Variants in HS3ST5 observed in about 807,000 individuals in gnomAD.
HS3ST5 encodes heparan sulfate glucosamine 3-O-sulfotransferase 5.
A neutral mutation model predicts 25.4 loss-of-function variants in HS3ST5; 10 were observed. The observed-to-expected ratio is 0.39, with a 90% CI of 0.24 to 0.67. The LOEUF is 0.67. Ranked by LOEUF, HS3ST5 falls within the 30% of genes least tolerant of loss-of-function variation. HS3ST5 has a pLI of 0.44. For missense variants in HS3ST5, 324 were observed against 420.7 expected (o/e 0.77, Z 2.01); for synonymous variants, 170 against 162.4 (o/e 1.05, Z -0.36).
At chr6:114,242,956 G>T (rs1359044695) in intron 1 of HS3ST5, among the ~76,000 whole-genome samples, 19 of 152,190 alleles carry the variant, frequency 1.2e-4, no homozygotes, top group South Asian at 4.1e-4. Flanking sequence ...TAGTGAGCAT[G>T]ATGTAACCAA....
intron 3 of HS3ST5, among the ~76,000 whole-genome samples, chr6:114,135,700 C>T (rs755987737): frequency 8.5e-5 from 13 of 152,182 alleles, no homozygotes; most frequent in East Asian, 1.9e-4. Flanking sequence ...TTCTTCTTCC[C>T]GTGACGTTTA....
intron 1 of HS3ST5, among the ~76,000 whole-genome samples, chr6:114,319,287 C>T (rs1349330329): frequency 6.6e-6 from 1 of 152,082 alleles, no homozygotes; most frequent in East Asian, 1.9e-4. Context: ...GATAACTCCC[C>T]TCTTTTGGAT....
chr6:114,163,889 A>C (rs7762148), intron 3 of HS3ST5, among the ~76,000 whole-genome samples: 34,682 of 152,050 alleles, frequency 0.23, 4,119 homozygotes, highest in Middle Eastern at 0.3. Context: ...TTGTGGTTCT[A>C]CCATTTATTA....
chr6:114,281,934 G>A (rs1216693454), intron 1 of HS3ST5: 2 of 152,062 alleles, frequency 1.3e-5, no homozygotes, highest in East Asian at 3.9e-4. Context: ...AAAAAGCAAG[G>A]TGCTGATGAG....
intron 1 of HS3ST5, among the ~76,000 whole-genome samples, chr6:114,319,187 A>G (rs916950960): frequency 2.6e-5 from 4 of 152,192 alleles, no homozygotes; most frequent in African/African-American, 7.2e-5. Flanking sequence ...CACAGAAAAT[A>G]TAAGAATTCA....
At chr6:114,101,623 T>C (rs755474551) in intron 3 of HS3ST5, among the ~76,000 whole-genome samples, 6 of 152,218 alleles carry the variant, frequency 3.9e-5, no homozygotes, top group Non-Finnish European at 8.8e-5. Context: ...AGTTCTGCCA[T>C]TGTGGAAAGT....
rs1179666349 is a variant in HS3ST5 at position 114,343,000 on chromosome 6, G to C, written c.-1144C>G. On this transcript the variant is annotated 5_prime_UTR_variant, in exon 1 of 5. Coordinates refer to ENST00000312719, the MANE Select transcript of HS3ST5 (RefSeq NM_153612.4). ...CACTTGGGCGCGCAGGAGGGACCGG[G>C]TCCCTGGCGACCAGCTGCAGAGTGG... 6.6e-6 allele frequency: 1 copy of C among 152,342 alleles called. No homozygotes were observed. The highest frequency in any genetic ancestry group is 1.5e-5 in the Non-Finnish European group (1 of 68,356). The allele number at this position is 152,342 out of a possible 1,614,324, so 9.4% of individuals were successfully genotyped here. A position where few individuals can be genotyped will look rare whatever the true frequency, so the allele number is the denominator to read the frequency against.
chr6:114,277,914 A>T (rs1025842016), intron 1 of HS3ST5, among the ~76,000 whole-genome samples: 2 of 152,032 alleles, frequency 1.3e-5, no homozygotes, highest in Non-Finnish European at 2.9e-5. Flanking sequence ...TTACTCTGTC[A>T]TTTTAAAATG....
chr6:114,334,419 C>T (rs921549034), intron 1 of HS3ST5, among the ~76,000 whole-genome samples: 1 of 152,170 alleles, frequency 6.6e-6, no homozygotes. Flanking sequence ...TGAGGACATT[C>T]CATTTGCATA....
At chr6:114,124,481 T>TA (rs1776941826) in intron 3 of HS3ST5, among the ~76,000 whole-genome samples, 3 of 152,194 alleles carry the variant, frequency 2.0e-5, no homozygotes, top group Admixed American at 2.0e-4. Context: ...ACTAAAATAA[T>TA]ACGTGAGGTT....
intron 3 of HS3ST5, among the ~76,000 whole-genome samples, chr6:114,156,274 G>C (rs1236537225): frequency 6.6e-6 from 1 of 152,070 alleles, no homozygotes; most frequent in Non-Finnish European, 1.5e-5. Context: ...TCCCATTCCT[G>C]GTTCTTCAGA....
At chr6:114,095,907 T>G (rs1775399035) in intron 3 of HS3ST5, among the ~76,000 whole-genome samples, 1 of 152,144 alleles carries the variant, frequency 6.6e-6, no homozygotes, top group African/African-American at 2.4e-5. Flanking sequence ...CTCCTACCTC[T>G]CACTCTGTAT....
chr6:114,273,833 A>AG (rs565124326), intron 1 of HS3ST5, among the ~76,000 whole-genome samples: 1 of 151,962 alleles, frequency 6.6e-6, no homozygotes, highest in South Asian at 2.1e-4. Flanking sequence ...GGTCCAAGAG[A>AG]GGGGAGAAGA....
chr6:114,242,198 TAA>T (rs1257138792), intron 1 of HS3ST5, among the ~76,000 whole-genome samples: 1 of 152,218 alleles, frequency 6.6e-6, no homozygotes, highest in African/African-American at 2.4e-5. Context: ...AAAAATAATG[TAA>T]AGTCTGATTA....
At chr6:114,207,799 C>T (rs555967437) in intron 2 of HS3ST5, among the ~76,000 whole-genome samples, 1 of 152,228 alleles carries the variant, frequency 6.6e-6, no homozygotes, top group South Asian at 2.1e-4. Context: ...ATACTATTAA[C>T]ATACCTTACT....
At chr6:114,164,864 A>G (rs62415773) in intron 3 of HS3ST5, among the ~76,000 whole-genome samples, 12,255 of 152,234 alleles carry the variant, frequency 0.081, 575 homozygotes, top group African/African-American at 0.12. Context: ...AGACTGAGCC[A>G]TTTTTACTAT....
chr6:114,233,025 C>T (rs1462187181), intron 1 of HS3ST5, among the ~76,000 whole-genome samples: 1 of 151,510 alleles, frequency 6.6e-6, no homozygotes, highest in Non-Finnish European at 1.5e-5. Flanking sequence ...CCCTGTCTAA[C>T]TCTCTAGCCT....
chr6:114,119,359 G>A (rs1227283104), intron 3 of HS3ST5, among the ~76,000 whole-genome samples: 1 of 152,192 alleles, frequency 6.6e-6, no homozygotes, highest in East Asian at 1.9e-4. Flanking sequence ...GGCAGAATCT[G>A]ATAAATTCTT....
intron 2 of HS3ST5, among the ~76,000 whole-genome samples, chr6:114,204,816 A>G (rs947207377): frequency 2.0e-5 from 3 of 152,080 alleles, no homozygotes; most frequent in Admixed American, 1.3e-4. Context: ...TTGTACTTAT[A>G]TTTCTAAAAC....
Sources: allele counts gnomAD v4.1 joint callset (sites outside exome capture counted in the v4.1 genomes callset), GRCh38; gene constraint gnomAD v4.1.1; transcripts MANE v1.5; gene names NCBI Gene and HGNC (gene_info 2026-07-23, HGNC 2026-07-21).